Variants in OPRD1 observed in about 807,000 individuals in gnomAD.
OPRD1 encodes opioid receptor delta 1, also known as delta-type opioid receptor.
A neutral mutation model predicts 17.5 loss-of-function variants in OPRD1; 19 were observed. That is an observed-to-expected ratio of 1.09 (90% CI 0.76 to 1.60). The LOEUF (loss-of-function observed/expected upper bound fraction) is 1.60. OPRD1 is among the 40% of genes most tolerant of loss of function. The probability of loss-of-function intolerance (pLI) is 0.00; values close to 1 mark genes in which losing one functional copy is unlikely to be tolerated. For missense variants in OPRD1, 483 were observed against 547.2 expected (o/e 0.88, Z 1.17); for synonymous variants, 256 against 240.9 (o/e 1.06, Z -0.58).
intron 1 of OPRD1, among the ~76,000 whole-genome samples, chr1:28,848,751 A>G (rs886829836): frequency 6.6e-6 from 1 of 152,230 alleles, no homozygotes; most frequent in African/African-American, 2.4e-5. Context: ...ACTGAGTTCA[A>G]TACCAGCTCT....
chr1:28,813,840 C>T (rs1397562094), intron 1 of OPRD1, among the ~76,000 whole-genome samples: 1 of 152,158 alleles, frequency 6.6e-6, no homozygotes, highest in African/African-American at 2.4e-5. Context: ...GTCATGGATG[C>T]CCAGGCATCA....
intron 1 of OPRD1, among the ~76,000 whole-genome samples, chr1:28,852,805 C>T (rs1212944398): frequency 1.3e-5 from 2 of 151,988 alleles, no homozygotes; most frequent in African/African-American, 4.8e-5. Flanking sequence ...ACAACCTCTG[C>T]CTTCCTGGGT....
chr1:28,853,746 T>C (rs1251238840), intron 1 of OPRD1, among the ~76,000 whole-genome samples: 1 of 151,850 alleles, frequency 6.6e-6, no homozygotes, highest in Non-Finnish European at 1.5e-5. Flanking sequence ...ATTTTCTTTT[T>C]TTTTTCTTTT....
chr1:28,853,657 G>A (rs1213390939), intron 1 of OPRD1, among the ~76,000 whole-genome samples: 1 of 152,270 alleles, frequency 6.6e-6, no homozygotes, highest in African/African-American at 2.4e-5. Context: ...AGCAAGGATG[G>A]GTAGAGGGGC....
intron 1 of OPRD1, among the ~76,000 whole-genome samples, chr1:28,834,778 G>A (rs546344962): frequency 7.2e-5 from 11 of 152,248 alleles, no homozygotes; most frequent in African/African-American, 2.6e-4. Context: ...CGAGACAAGA[G>A]GGCAGTAAGA....
rs77816987 is a variant in OPRD1 at position 28,846,845 on chromosome 1, C to T, written c.228-12109C>T. Among the ~76,000 whole-genome samples the T allele has an allele frequency of 4.5e-3, 264 of 58,724 alleles. 1 individual carries two copies. The East Asian group carries it at 0.054, about 12-fold the overall frequency. 38.5% of individuals were successfully genotyped at this position (58,724 alleles called of 152,430 possible). On this transcript the variant is annotated intron_variant, in intron 1 of 2. Transcript: ENST00000234961. ...ATTTTCTTTCTTTCTTTCTTTCTTT[C>T]TTTTCTTTCTTTCTTTCTTTCTTTC...
At chr1:28,841,384 T>C (rs961852407) in intron 1 of OPRD1, among the ~76,000 whole-genome samples, 36 of 152,340 alleles carry the variant, frequency 2.4e-4, no homozygotes, top group African/African-American at 8.2e-4. Flanking sequence ...GCAAGGAGGC[T>C]GGGGGAAAGC....
At chr1:28,858,115 CTTTTTT>C (rs1233337916) in intron 1 of OPRD1, among the ~76,000 whole-genome samples, 2 of 112,960 alleles carry the variant, frequency 1.8e-5, no homozygotes. Context: ...CTTTTTTTTT[CTTTTTT>C]TTTTTTTTTG....
At chr1:28,835,911 G>A (rs2088847784) in intron 1 of OPRD1, among the ~76,000 whole-genome samples, 1 of 152,164 alleles carries the variant, frequency 6.6e-6, no homozygotes, top group African/African-American at 2.4e-5. Flanking sequence ...CTGTAAGATG[G>A]GGAGAGCAGT....
intron 1 of OPRD1, among the ~76,000 whole-genome samples, chr1:28,847,144 C>T (rs562501928): frequency 4.0e-5 from 6 of 151,632 alleles, no homozygotes; most frequent in African/African-American, 4.8e-5. Flanking sequence ...CTCTGCCTCC[C>T]GGGTTCAACC....
intron 1 of OPRD1, among the ~76,000 whole-genome samples, chr1:28,825,898 G>A (rs1187626537): frequency 1.3e-5 from 2 of 152,208 alleles, no homozygotes; most frequent in Non-Finnish European, 1.5e-5. Context: ...GTGAAATGGG[G>A]ATGATAGAAA....
At chr1:28,859,617 G>A (rs897986714) in intron 2 of OPRD1, among the ~76,000 whole-genome samples, 1 of 152,116 alleles carries the variant, frequency 6.6e-6, no homozygotes, top group African/African-American at 2.4e-5. Flanking sequence ...ATTATGGATG[G>A]CTGGTTATGT....
chr1:28,849,050 A>G (rs1283766955), intron 1 of OPRD1, among the ~76,000 whole-genome samples: 1 of 152,170 alleles, frequency 6.6e-6, no homozygotes, highest in Non-Finnish European at 1.5e-5. Flanking sequence ...AACATGGAGG[A>G]AGTCTGGACT....
intron 1 of OPRD1, among the ~76,000 whole-genome samples, chr1:28,821,962 T>TG (rs1452653689): frequency 6.6e-6 from 1 of 151,824 alleles, no homozygotes; most frequent in Non-Finnish European, 1.5e-5. Flanking sequence ...CTTTCTTTTT[T>TG]TTTTTTGAGA....
intron 1 of OPRD1, among the ~76,000 whole-genome samples, chr1:28,816,452 A>G (rs2088671745): frequency 6.6e-6 from 1 of 152,146 alleles, no homozygotes; most frequent in Non-Finnish European, 1.5e-5. Context: ...GAACGTAAGA[A>G]CCAGGAATCT....
chr1:28,859,027 A>G lies in OPRD1; in HGVS notation c.301A>G (p.Thr101Ala). The stretch of plus-strand genomic sequence containing the variant: ...CTTAGCCGATGCGCTGGCCACCAGC[A>G]CGCTGCCTTTCCAGAGTGCCAAGTA... ...LALADALATS[T>A]LPFQSAKYLM... is the part of the protein sequence containing the mutation. The change falls in exon 2 of 3, where the codon ACG (threonine) becomes GCG (alanine). Residue 101 changes from threonine to alanine, a missense_variant. Thr to Ala is a moderately conservative substitution (Grantham distance 58). Transcript: ENST00000234961. 1.2e-6 allele frequency: 2 copies of G among 1,614,172 alleles called. No homozygotes were observed. The highest frequency in any genetic ancestry group is 1.1e-5 in the South Asian group (1 of 91,082).
chr1:28,838,439 G>A (rs1303993894), intron 1 of OPRD1, among the ~76,000 whole-genome samples: 4 of 152,104 alleles, frequency 2.6e-5, no homozygotes, highest in Non-Finnish European at 5.9e-5. Flanking sequence ...CCCCTTTCCA[G>A]GCCTCAGTTT....
chr1:28,829,209 A>G (rs909828901), intron 1 of OPRD1, among the ~76,000 whole-genome samples: 10 of 152,256 alleles, frequency 6.6e-5, no homozygotes, highest in Admixed American at 2.6e-4. Context: ...CTTGTCTTCT[A>G]CAGTTTCCTC....
intron 1 of OPRD1, among the ~76,000 whole-genome samples, chr1:28,818,331 C>G (rs530904669): frequency 5.9e-5 from 9 of 152,192 alleles, no homozygotes; most frequent in Non-Finnish European, 1.3e-4. Flanking sequence ...AACCTCCATA[C>G]GCCCCCTGGC....
Sources: gnomAD v4.1 joint callset for allele counts (sites outside exome capture counted in the v4.1 genomes callset) on GRCh38, gnomAD v4.1.1 for gene constraint, MANE v1.5 for transcripts, NCBI Gene and HGNC (gene_info 2026-07-23, HGNC 2026-07-21) for gene names.